Variants in DPP4 observed in about 807,000 individuals in gnomAD.
DPP4 encodes the protein ADCP-2.
In DPP4, 93 loss-of-function variants were observed where a neutral mutation model predicts 122.4. The ratio of observed to expected loss-of-function variants is 0.76; its 90% confidence interval spans 0.64 to 0.90. The LOEUF is 0.90. Among genes scored for constraint, DPP4 ranks in the 40% least tolerant of loss-of-function variants. DPP4 has a pLI of 0.00. For synonymous variants in DPP4, 321 were observed against 302.9 expected (o/e 1.06, Z -0.62); for missense variants, 914 against 907.3 (o/e 1.01, Z -0.09).
At chr2:162,043,954 A>G (rs954936996) in intron 5 of DPP4, among the ~76,000 whole-genome samples, 13 of 152,038 alleles carry the variant, frequency 8.6e-5, no homozygotes, top group African/African-American at 3.1e-4. Context: ...GTCAAGCCCA[A>G]AATGTTGAGG....
chr2:161,994,831 C>A, intron 25 of DPP4, 130 bp downstream of exon 25: 1 of 762,840 alleles, frequency 1.3e-6, no homozygotes, highest in Non-Finnish European at 2.2e-6. Context: ...CTTCTGACTT[C>A]ACGTTGAAAA....
rs534175848 is a variant in DPP4, at chr2:161,993,095, A to G, written c.*188T>C. 7.7e-6 allele frequency: 4 copies of G among 518,276 alleles called. No individual in the cohort carries two copies. The highest frequency in any genetic ancestry group is 5.1e-4 in the Middle Eastern group (1 of 1,946). 32.1% of individuals were successfully genotyped at this position (518,276 alleles called of 1,614,324 possible). ...ATAATTCAAACTTCTGTAAGGTAATAATCTGTTGTGAAGACAGAAGTCCCT... is the reference window on the plus strand; with the variant it reads ...ATAATTCAAACTTCTGTAAGGTAATGATCTGTTGTGAAGACAGAAGTCCCT... On this transcript the variant is annotated 3_prime_UTR_variant, in exon 26 of 26. Transcript: ENST00000360534.
intron 13 of DPP4, 104 bp from the exon 14 acceptor site, chr2:162,020,400 C>A (rs192004210): frequency 9.8e-6 from 11 of 1,123,190 alleles, no homozygotes; most frequent in Admixed American, 2.7e-5. Context: ...TTCAAATAAC[C>A]TTGGATTTTC....
intron 2 of DPP4, among the ~76,000 whole-genome samples, chr2:162,062,114 CAAAA>C (rs1045197117): frequency 1.2e-5 from 1 of 81,000 alleles, no homozygotes; most frequent in Non-Finnish European, 2.8e-5. Context: ...ACTAAAAATA[CAAAA>C]AAAAAAAAAA....
chr2:162,023,173 CA>C (rs1434319322), intron 11 of DPP4, among the ~76,000 whole-genome samples: 1 of 152,168 alleles, frequency 6.6e-6, no homozygotes, highest in African/African-American at 2.4e-5. Context: ...CTGCCCTCCT[CA>C]TAATCACCTC....
intron 20 of DPP4, 62 bp from the exon 21 acceptor site, chr2:162,009,357 G>A: frequency 6.8e-7 from 1 of 1,468,310 alleles, no homozygotes; most frequent in African/African-American, 1.4e-5. Flanking sequence ...ACTTAGATGA[G>A]GCACAAATGT....
chr2:162,024,650 T>G (rs965642022), intron 11 of DPP4, among the ~76,000 whole-genome samples, 154 bp downstream of exon 11: 4 of 152,170 alleles, frequency 2.6e-5, no homozygotes, highest in Non-Finnish European at 5.9e-5. Flanking sequence ...TCTAGGAGTT[T>G]TATTCAAGAT....
chr2:162,017,155 C>G lies in DPP4; in HGVS notation c.1421G>C (p.Gly474Ala). 6.2e-7 allele frequency: 1 copy of G among 1,611,184 alleles called. No individual in the cohort carries two copies. The highest frequency in any genetic ancestry group is 8.5e-7 in the Non-Finnish European group (1 of 1,179,460). ...EAKYYQLRCS[G>A]PGLPLYTLHS... ...TAGAGTATAGAGGGGCAGACCAGGA[C>G]CTGTTAACACAATGGGGGAAAAATG... Residue 474 changes from glycine to alanine, a missense_variant and splice_region_variant, in exon 17 of 26, where the codon GGT (glycine) becomes GCT (alanine). Coordinates refer to ENST00000360534, the MANE Select transcript of DPP4 (RefSeq NM_001935.4).
chr2:161,993,867 C>T (rs1332948553), intron 25 of DPP4, among the ~76,000 whole-genome samples: 1 of 151,800 alleles, frequency 6.6e-6, no homozygotes, highest in Non-Finnish European at 1.5e-5. Context: ...GCAATATTGC[C>T]TAATATATAG....
At chr2:162,047,617 A>G (rs892260499) in intron 2 of DPP4, 116 bp from the exon 3 acceptor site, 2 of 598,330 alleles carry the variant, frequency 3.3e-6, no homozygotes, top group African/African-American at 3.7e-5. Flanking sequence ...TCAGAAATAT[A>G]CTCACAAAAT....
chr2:162,043,607 G>T (rs895345102), intron 5 of DPP4, among the ~76,000 whole-genome samples: 2 of 152,198 alleles, frequency 1.3e-5, no homozygotes, highest in African/African-American at 4.8e-5. Flanking sequence ...TGGCTATATA[G>T]TAAGGTGAGC....
At chr2:162,062,686 A>G (rs758341209) in intron 2 of DPP4, among the ~76,000 whole-genome samples, 1 of 152,248 alleles carries the variant, frequency 6.6e-6, no homozygotes, top group Admixed American at 6.5e-5. Flanking sequence ...CAAGTCAGCA[A>G]TGGCATGTTA....
chr2:162,011,966 T>C lies in DPP4; in HGVS notation c.1659A>G (p.Gln553=). The part of the protein sequence containing the change: ...LLDVYAGPCS[Q]KADTVFRLNW... ...TCAGTCTGAAGACAGTGTCTGCTTTTTGACTACATGGGCCTGCATACCTAT... is the reference window on the plus strand; with the variant it reads ...TCAGTCTGAAGACAGTGTCTGCTTTCTGACTACATGGGCCTGCATACCTAT... The change falls in exon 20 of 26, where the codon CAA becomes CAG. Residue 553 remains glutamine, a synonymous_variant. Transcript: ENST00000360534. 1.9e-6 allele frequency: 3 copies of C among 1,613,624 alleles called. No homozygotes were observed. Among genetic ancestry groups the C allele is most frequent in the Non-Finnish European group, 2.5e-6 (3 of 1,179,644 alleles).
intron 10 of DPP4, among the ~76,000 whole-genome samples, chr2:162,027,908 C>A (rs1160915825): frequency 1.3e-5 from 2 of 152,040 alleles, no homozygotes; most frequent in Non-Finnish European, 2.9e-5. Context: ...TCTCCATGAC[C>A]CCAGGTGTAC....
intron 2 of DPP4, among the ~76,000 whole-genome samples, chr2:162,072,834 TC>T (rs1456276000): frequency 1.3e-5 from 2 of 152,166 alleles, no homozygotes; most frequent in African/African-American, 4.8e-5. Flanking sequence ...ATTATTTAGC[TC>T]TGCAATACTG....
Position 162,073,468 on chromosome 2 carries a change from G to A in DPP4, c.25C>T (p.Leu9=). The A allele has an allele frequency of 6.2e-7, 1 of 1,613,954 alleles. No individual in the cohort carries two copies. The highest frequency in any genetic ancestry group is 2.2e-5 in the East Asian group (1 of 44,878). Residue 9 remains leucine (L), a synonymous_variant, in exon 2 of 26, where the codon CTG becomes TTG. Transcript: ENST00000360534. MKTPWKVL[L]GLLGAAALVT... ...AGCGCAGCAGCACCCAGCAGTCCCA[G>A]AAGAACCTTCCACGGTGTCTGCAAG... is the stretch of plus-strand genomic sequence containing the variant.
intron 5 of DPP4, among the ~76,000 whole-genome samples, chr2:162,044,637 C>T (rs1401156331): frequency 2.0e-5 from 3 of 152,146 alleles, no homozygotes; most frequent in Non-Finnish European, 4.4e-5. Context: ...TCAAAACTTC[C>T]TATACTTGAA....
intron 2 of DPP4, among the ~76,000 whole-genome samples, chr2:162,051,700 G>A (rs1684388892): frequency 6.6e-6 from 1 of 152,172 alleles, no homozygotes; most frequent in African/African-American, 2.4e-5. Context: ...GGTGGTGGAG[G>A]AAAAATCAAG....
intron 5 of DPP4, among the ~76,000 whole-genome samples, chr2:162,043,843 C>G (rs1240533829): frequency 6.6e-6 from 1 of 152,172 alleles, no homozygotes; most frequent in Non-Finnish European, 1.5e-5. Context: ...GCCTGGGGAA[C>G]ACAGTGAGAC....
Sources: allele counts gnomAD v4.1 joint callset (sites outside exome capture counted in the v4.1 genomes callset), GRCh38; gene constraint gnomAD v4.1.1; transcripts MANE v1.5; gene names NCBI Gene and HGNC (gene_info 2026-07-23, HGNC 2026-07-21).